The following PCDHA4 variants were observed in gnomAD, a reference collection of about 807,000 sequenced individuals.
PCDHA4 encodes the protein protocadherin alpha-4.
A neutral mutation model predicts 61.4 loss-of-function variants in PCDHA4; 49 were observed. That is an observed-to-expected ratio of 0.80 (90% confidence interval 0.63 to 1.01). The LOEUF is 1.01. PCDHA4 is among the 50% of genes least tolerant of loss of function. The pLI is 0.00. For synonymous variants in PCDHA4, 590 were observed against 550.3 expected (o/e 1.07, Z -1.01); for missense variants, 1,254 against 1,235.8 (o/e 1.01, Z -0.22).
chr5:140,964,631 T>C (rs1415762552), intron 1 of PCDHA4, among the ~76,000 whole-genome samples: 1 of 152,074 alleles, frequency 6.6e-6, no homozygotes, highest in African/African-American at 2.4e-5. Flanking sequence ...ATAAGCCATT[T>C]ATTTTCAGAA....
chr5:140,841,313 C>T (rs2150313348), intron 1 of PCDHA4: 2 of 1,587,144 alleles, frequency 1.3e-6, no homozygotes, highest in Non-Finnish European at 8.6e-7. Context: ...TAGGAAACGA[C>T]TATTTAACAT....
In PCDHA4 at chr5:140,830,099, G is replaced by A. The variant is rs2150181082; in HGVS notation, c.2385+20527G>A. On this transcript the variant is annotated intron_variant, in intron 1 of 3. Transcript: ENST00000530339. ...GACGGCCACGGTTCTGGTGTCGCTG[G>A]TGGAGAGTGGCCAGGCTCCAAAGGC... 6 of 1,613,520 alleles carry A rather than the reference G, an allele frequency of 3.7e-6. No homozygotes were observed. In the African/African-American group the frequency reaches 4.0e-5, roughly 11 times the overall value.
Position 140,967,394 on chromosome 5 carries a change from G to C in PCDHA4, c.2386-11555G>C, listed in dbSNP as rs1379450273. On this transcript the variant is annotated intron_variant, in intron 1 of 3. Coordinates refer to ENST00000530339, the MANE Select transcript of PCDHA4 (RefSeq NM_018907.4). ...GGAGAACAGTAAAGTGCTTGAGCTGGTGCTGCGTAAGGGCCTAGACCGGGA... is the reference window on the plus strand; with the variant it reads ...GGAGAACAGTAAAGTGCTTGAGCTGCTGCTGCGTAAGGGCCTAGACCGGGA... 4 of 1,609,940 alleles carry C rather than the reference G, an allele frequency of 2.5e-6. No homozygotes were observed. In the African/African-American group the frequency reaches 4.0e-5, roughly 16 times the overall value.
At chr5:140,962,191 T>C (rs2095664022) in intron 1 of PCDHA4, among the ~76,000 whole-genome samples, 1 of 152,210 alleles carries the variant, frequency 6.6e-6, no homozygotes, top group African/African-American at 2.4e-5. Flanking sequence ...ATCACTTTTA[T>C]GCTTCCTATC....
chr5:140,836,159 G>C, intron 1 of PCDHA4: 1 of 1,613,838 alleles, frequency 6.2e-7, no homozygotes, highest in Non-Finnish European at 8.5e-7. Context: ...ATGTGGTGGC[G>C]AAGGTACGTG....
intron 1 of PCDHA4, chr5:140,928,452 G>C: frequency 6.2e-7 from 1 of 1,614,126 alleles, no homozygotes; most frequent in Non-Finnish European, 8.5e-7. Context: ...AGCTCAGGGG[G>C]TTTCATTTCC....
intron 1 of PCDHA4, among the ~76,000 whole-genome samples, chr5:140,845,212 T>C (rs1779759360): frequency 6.7e-6 from 1 of 149,366 alleles, no homozygotes; most frequent in South Asian, 2.1e-4. Context: ...TTTAAGTCCT[T>C]TTAAAAAATA....
intron 1 of PCDHA4, among the ~76,000 whole-genome samples, chr5:140,916,214 C>A (rs1294292456): frequency 6.6e-6 from 1 of 152,266 alleles, no homozygotes; most frequent in African/African-American, 2.4e-5. Flanking sequence ...TGGGGAAGAT[C>A]CAAATATGCT....
At chr5:140,898,894 G>A (rs1200031286) in intron 1 of PCDHA4, among the ~76,000 whole-genome samples, 5 of 152,102 alleles carry the variant, frequency 3.3e-5, no homozygotes, top group African/African-American at 9.7e-5. Context: ...TCTCCTTGAA[G>A]AGGTCCTTCA....
chr5:140,857,567 G>C, intron 1 of PCDHA4: 1 of 1,596,986 alleles, frequency 6.3e-7, no homozygotes, highest in Non-Finnish European at 8.6e-7. Flanking sequence ...GTCGAGCTAC[G>C]TGTCGGTGCA....
Position 140,821,873 on chromosome 5 carries a change from C to T in PCDHA4, c.2385+12301C>T, listed in dbSNP as rs144627570. On this transcript the variant is annotated intron_variant, in intron 1 of 3. Coordinates refer to ENST00000530339, the MANE Select transcript of PCDHA4 (RefSeq NM_018907.4). ...GCAGGGAGCGGCCAGCTCCACTACT[C>T]GATCCCGGAGGAAGCCAAACACGGA... is the stretch of plus-strand genomic sequence containing the variant. 1.3e-5 allele frequency: 21 copies of T among 1,614,092 alleles called. No individual in the cohort carries two copies. Among genetic ancestry groups the T allele is most frequent in the African/African-American group, 6.7e-5 (5 of 74,940 alleles).
intron 1 of PCDHA4, among the ~76,000 whole-genome samples, chr5:140,945,295 T>G (rs2093770302): frequency 6.6e-6 from 1 of 152,084 alleles, no homozygotes; most frequent in Non-Finnish European, 1.5e-5. Flanking sequence ...TGAAAGAAAT[T>G]GAAGAAGACA....
chr5:140,976,427 T>C (rs2096715861), intron 1 of PCDHA4, among the ~76,000 whole-genome samples: 1 of 152,064 alleles, frequency 6.6e-6, no homozygotes, highest in Admixed American at 6.5e-5. Flanking sequence ...GGCAGATGCC[T>C]GTAATCCCAG....
intron 1 of PCDHA4, among the ~76,000 whole-genome samples, chr5:140,891,030 T>G (rs1583035754): frequency 6.6e-6 from 1 of 151,856 alleles, no homozygotes; most frequent in Non-Finnish European, 1.5e-5. Context: ...GGGTATAATC[T>G]TAGGTGTGAC....
At chr5:140,929,317 A>G in intron 1 of PCDHA4, 1 of 1,549,080 alleles carries the variant, frequency 6.5e-7, no homozygotes, top group South Asian at 1.2e-5. Flanking sequence ...CGCTAATGTC[A>G]ATGCCATGGT....
chr5:141,001,435 A>G (rs1377491641), intron 3 of PCDHA4, among the ~76,000 whole-genome samples: 4 of 152,202 alleles, frequency 2.6e-5, no homozygotes, highest in African/African-American at 7.2e-5. Flanking sequence ...TTCCATGGAA[A>G]AGTCTTTCCA....
intron 1 of PCDHA4, chr5:140,875,439 G>C (rs375983329): frequency 3.8e-6 from 6 of 1,569,382 alleles, no homozygotes; most frequent in East Asian, 2.3e-5. Flanking sequence ...CCTTAAAACT[G>C]ATTGTCCCAA....
intron 1 of PCDHA4, chr5:140,835,965 C>T: frequency 1.2e-6 from 2 of 1,613,194 alleles, no homozygotes; most frequent in Non-Finnish European, 1.7e-6. Flanking sequence ...CCACGAGGAG[C>T]TGGAGCTGTT....
At position 140,892,846 on chromosome 5, in the gene PCDHA4, A is replaced by G. The variant is rs1301960107; in HGVS notation, c.2385+83274A>G. Among the ~76,000 whole-genome samples, 3 of 152,112 alleles carry G rather than the reference A, an allele frequency of 2.0e-5. No homozygotes were observed. In the East Asian group the frequency reaches 5.8e-4, roughly 29 times the overall value. On this transcript the variant is annotated intron_variant, in intron 1 of 3. Transcript: ENST00000530339. ...TGCTACAGTGCTGCAAAACACCACA[A>G]CCCATTCCTCCTGTGTAGCTATAAT...
Sources: allele counts gnomAD v4.1 joint callset (sites outside exome capture counted in the v4.1 genomes callset), GRCh38; gene constraint gnomAD v4.1.1; transcripts MANE v1.5; gene names NCBI Gene and HGNC (gene_info 2026-07-23, HGNC 2026-07-21).